Variants in CACNA1F observed in about 807,000 individuals in gnomAD.
The protein encoded by CACNA1F is voltage-dependent L-type calcium channel subunit alpha-1F.
In CACNA1F, 59 loss-of-function variants were observed where a neutral mutation model predicts 143.8. That is an observed-to-expected ratio of 0.41 (90% CI 0.33 to 0.51). The LOEUF is 0.51. CACNA1F is among the 20% of genes least tolerant of loss of function. The pLI is 0.22. For synonymous variants in CACNA1F, 643 were observed against 649.1 expected (o/e 0.99, Z 0.14); for missense variants, 1,411 against 1,647.5 (o/e 0.86, Z 2.48).
intron 37 of CACNA1F, 131 bp from the exon 38 acceptor site, chrX:49,210,817 C>A: frequency 1.2e-6 from 1 of 833,876 alleles, no homozygotes; most frequent in South Asian, 2.2e-5. Flanking sequence ...GGAGGGCAGT[C>A]AGAGAGGGCA....
At chrX:49,218,085 G>T in intron 24 of CACNA1F, 80 bp from the exon 25 acceptor site, 1 of 711,669 alleles carries the variant, frequency 1.4e-6, no homozygotes, top group Non-Finnish European at 2.2e-6. Flanking sequence ...CATAGATGCA[G>T]CTGAGGGACT....
rs782121738 is a variant in CACNA1F, at chrX:49,212,763, G to A, written c.3846C>T (p.Thr1282=). ...SSEDSSRISI[T]FFRLFRVMRL... The stretch of plus-strand genomic sequence containing the variant: ...GCATAACTCGGAAGAGGCGAAAGAA[G>A]GTAATGGAAATGCGGGAGCTGTCCT... The change falls in exon 33 of 48, where the codon ACC becomes ACT. Residue 1282 remains threonine (T), a synonymous_variant. Transcript: ENST00000323022. 10 of 1,210,512 alleles carry A rather than the reference G, an allele frequency of 8.3e-6. No homozygotes were observed. The highest frequency in any genetic ancestry group is 2.3e-4 in the Middle Eastern group (1 of 4,349).
rs1267234041 is a variant in CACNA1F at position 49,218,352 on chromosome X, C to T, written c.2928+103G>A. 48 of 634,034 alleles carry T rather than the reference C, an allele frequency of 7.6e-5. No homozygotes were observed. In the East Asian group the frequency reaches 1.2e-3, roughly 16 times the overall value. 52.3% of individuals were successfully genotyped at this position (634,034 alleles called of 1,213,427 possible). On this transcript the variant is annotated intron_variant, in intron 24 of 47. Transcript: ENST00000323022. ...GTGTATTTATGTGTCAGGTCCAGGC[C>T]GTATGGTCATGCATCCGTGCAAATG...
chrX:49,211,984 G>A lies in CACNA1F; in HGVS notation c.4014C>T (p.Phe1338=), dbSNP rs781909111. Residue 1338 remains phenylalanine (F), a synonymous_variant, in exon 35 of 48, where the codon TTC becomes TTT. Transcript: ENST00000323022. ...TGCCATCCTGAAGAGCCACCTTGCC[G>A]AACATCTGTGGACACATCAAGGCTG... ...FIYAVIGMQM[F]GKVALQDGTQ... 13 of 1,204,290 alleles carry A rather than the reference G, an allele frequency of 1.1e-5. No homozygotes were observed. The highest frequency in any genetic ancestry group is 5.9e-5 in the East Asian group (2 of 33,742).
At position 49,230,627 on chromosome X, in the gene CACNA1F, G is replaced by A. The variant is rs782640582; in HGVS notation, c.522-18C>T. 24 of 1,157,561 alleles carry A rather than the reference G, an allele frequency of 2.1e-5. No homozygotes were observed. The highest frequency in any genetic ancestry group is 3.2e-5 in the East Asian group (1 of 30,893). On this transcript the variant is annotated intron_variant, in intron 4 of 47. Transcript: ENST00000323022. ...TGAACAGCCTGATGGGGGAGCACCGGGCAGGGAGGCGGAGGTCAGGCCTTG... is the reference window on the plus strand; with the variant it reads ...TGAACAGCCTGATGGGGGAGCACCGAGCAGGGAGGCGGAGGTCAGGCCTTG...
intron 30 of CACNA1F, 123 bp downstream of exon 30, chrX:49,214,036 C>T: frequency 1.6e-6 from 1 of 634,610 alleles, no homozygotes; most frequent in East Asian, 3.3e-5. Context: ...ACCTGAGTCC[C>T]TCTCACTCCC....
chrX:49,222,728 G>C lies in CACNA1F; in HGVS notation c.2196C>G (p.Ile732Met). The C allele has an allele frequency of 5.8e-6, 7 of 1,211,536 alleles. No individual in the cohort carries two copies. The highest frequency in any genetic ancestry group is 7.8e-6 in the Non-Finnish European group (7 of 895,351). Residue 732 changes from isoleucine to methionine, a missense_variant, in exon 16 of 48, where the codon ATC becomes ATG. This residue lies in a region of CACNA1F where 950 missense variants were observed against 1,128.1 expected (regional missense o/e 0.84). Coordinates refer to ENST00000323022, the MANE Select transcript of CACNA1F (RefSeq NM_001256789.3). ...AAGCTCCAAGGATACAGTTGCCACA[G>C]ATGAAGAGAATGATGAAATAGATGC... is the stretch of plus-strand genomic sequence containing the variant. ...LVCIYFIILF[I>M]CGNYILLNVF...
chrX:49,231,695 G>A lies in CACNA1F; in HGVS notation c.258C>T (p.Ile86=). The part of the protein sequence containing the change: ...TLANPLRRSC[I]SIVEWKPFDI... Reference sequence around the variant, plus strand: ...CAGGATGCTTCCACTCCACGATGCTGATGCAGGACCGTCGCAGAGGATTGG... The same window carrying A: ...CAGGATGCTTCCACTCCACGATGCTAATGCAGGACCGTCGCAGAGGATTGG... The change falls in exon 2 of 48, where the codon ATC becomes ATT. Residue 86 remains isoleucine (I), a synonymous_variant. Transcript: ENST00000323022. 8.3e-7 allele frequency: 1 copy of A among 1,212,068 alleles called. No homozygotes were observed. The highest frequency in any genetic ancestry group is 1.1e-6 in the Non-Finnish European group (1 of 895,568).
chrX:49,209,890 T>C (rs1203565439), intron 40 of CACNA1F, 51 bp downstream of exon 40: 1 of 1,128,525 alleles, frequency 8.9e-7, no homozygotes, highest in Non-Finnish European at 1.2e-6. Context: ...TGGAGAGCGA[T>C]CATCTGCCAT....
intron 30 of CACNA1F, 100 bp from the exon 31 acceptor site, chrX:49,214,002 G>T: frequency 1.5e-6 from 1 of 661,925 alleles, no homozygotes; most frequent in Non-Finnish European, 2.4e-6. Context: ...GCAGGGCTTC[G>T]CTTGGATCAC....
Position 49,217,895 on chromosome X carries a change from C to T in CACNA1F, c.3036+3G>A, listed in dbSNP as rs202163542. Reference sequence around the variant, plus strand: ...CTGGCATTCCCTCCAGTGTTTGCCCCACCTTGAAGAGCTGCACCCCGATGC... The same window carrying T: ...CTGGCATTCCCTCCAGTGTTTGCCCTACCTTGAAGAGCTGCACCCCGATGC... On this transcript the variant is annotated splice_donor_region_variant and intron_variant, in intron 25 of 47. Transcript: ENST00000323022. 3 of 1,202,417 alleles carry T rather than the reference C, an allele frequency of 2.5e-6. No individual in the cohort carries two copies. The African/African-American group carries it at 5.3e-5, about 21-fold the overall frequency.
At chrX:49,213,944 C>A in intron 30 of CACNA1F, 42 bp from the exon 31 acceptor site, 2 of 1,025,111 alleles carry the variant, frequency 2.0e-6, no homozygotes, top group Non-Finnish European at 2.7e-6. Flanking sequence ...TCTCAAAGCT[C>A]GCAAGCCAGG....
Position 49,210,328 on chromosome X carries a change from G to T in CACNA1F, c.4561C>A (p.Arg1521=). Residue 1521 remains arginine, a synonymous_variant, in exon 39 of 48, where the codon CGG becomes AGG. Transcript: ENST00000323022. ...TFNATLFALV[R]TSLKIKTEGN... ...TCTGTTTTGATCTTCAGGGATGTCC[G>T]GACCAGGGCAAAGAGTGTGGCGTTG... 8.3e-7 allele frequency: 1 copy of T among 1,206,349 alleles called. No individual in the cohort carries two copies. The highest frequency in any genetic ancestry group is 1.1e-6 in the Non-Finnish European group (1 of 890,500).
intron 3 of CACNA1F, 25 bp downstream of exon 3, chrX:49,231,166 TTGGCTGGGAAC>T: frequency 1.0e-6 from 1 of 997,149 alleles, no homozygotes; most frequent in South Asian, 2.0e-5. Flanking sequence ...GGGGCTCTAT[TTGGCTGGGAAC>T]TGGCTGGGGC....
intron 34 of CACNA1F, 30 bp from the exon 35 acceptor site, chrX:49,212,019 G>A (rs1557106374): frequency 4.4e-6 from 5 of 1,130,224 alleles, no homozygotes; most frequent in Non-Finnish European, 6.1e-6. Context: ...GTGTCAGTGG[G>A]GTGAACCCAT....
chrX:49,223,595 C>CAAAA (rs58022930), intron 14 of CACNA1F, among the ~76,000 whole-genome samples: 1,462 of 23,655 alleles, frequency 0.062, 347 homozygotes, highest in Middle Eastern at 0.12. Flanking sequence ...GACTCTGTCT[C>CAAAA]AAAAAAAAAA....
chrX:49,232,087 C>T (rs1358680843), intron 1 of CACNA1F, among the ~76,000 whole-genome samples, 160 bp from the exon 2 acceptor site: 1 of 111,373 alleles, frequency 9.0e-6, no homozygotes, highest in South Asian at 3.7e-4. Flanking sequence ...TAAGAGTGTT[C>T]GAATTAAGAT....
At chrX:49,219,283 GTGTCCCCTCAGC>G in intron 21 of CACNA1F, 26 bp downstream of exon 21, 1 of 1,194,905 alleles carries the variant, frequency 8.4e-7, no homozygotes, top group Non-Finnish European at 1.1e-6. Context: ...ACCCCTGGGA[GTGTCCCCTCAGC>G]TCCTAGCTCC....
intron 10 of CACNA1F, 29 bp downstream of exon 10, chrX:49,226,581 C>A (rs1557109995): frequency 1.7e-6 from 2 of 1,163,948 alleles, no homozygotes; most frequent in South Asian, 1.9e-5. Flanking sequence ...TGCCTACCCA[C>A]CCCCACCCCA....
Sources: gnomAD v4.1 joint callset for allele counts (sites outside exome capture counted in the v4.1 genomes callset) on GRCh38, gnomAD v4.1.1 for gene constraint, gnomAD v4.1.1 regional missense constraint, MANE v1.5 for transcripts, NCBI Gene and HGNC (gene_info 2026-07-23, HGNC 2026-07-21) for gene names.